Variants in RUVBL1 observed in about 807,000 individuals in gnomAD.
RUVBL1 encodes the protein ruvB-like 1.
RUVBL1 carries 4 observed loss-of-function variants against 52.4 expected under a neutral mutation model. The observed-to-expected ratio is 0.08, with a 90% CI of 0.04 to 0.17. RUVBL1 has a LOEUF of 0.17. Among genes scored for constraint, RUVBL1 ranks in the 10% least tolerant of loss-of-function variants. The pLI, the probability that RUVBL1 is intolerant of heterozygous loss-of-function variation, is 1.00. For synonymous variants in RUVBL1, 217 were observed against 214.4 expected (o/e 1.01, Z -0.10); for missense variants, 298 against 572.8 (o/e 0.52, Z 4.90).
chr3:128,108,249 G>A (rs1943295088), intron 3 of RUVBL1, among the ~76,000 whole-genome samples: 2 of 152,112 alleles, frequency 1.3e-5, no homozygotes, highest in African/African-American at 4.8e-5. Context: ...GAGGAAGATG[G>A]GCAGGGTTCC....
intron 1 of RUVBL1, among the ~76,000 whole-genome samples, chr3:128,140,253 G>A (rs1358483773): frequency 5.5e-5 from 4 of 73,018 alleles, no homozygotes; most frequent in Non-Finnish European, 8.2e-5. Context: ...TTTTGAGACG[G>A]AGTCTCCCTC....
chr3:128,098,779 G>C, intron 7 of RUVBL1, 103 bp downstream of exon 7: 1 of 953,898 alleles, frequency 1.0e-6, no homozygotes, highest in South Asian at 1.3e-5. Context: ...ACTGTTCTGA[G>C]GCATTTCCTC....
rs560994188 is a variant in RUVBL1 at position 128,065,543 on chromosome 3, T to C, written c.940-323A>G. ...GATTGATCTTTGTATTTTTTGATGG[T>C]CCACTTTGTATTTTGGTGTTTATTT... On this transcript the variant is annotated intron_variant, in intron 9 of 9. Transcript: ENST00000464873. 7.9e-5 allele frequency among the ~76,000 whole-genome samples: 12 copies of C among 152,260 alleles called. No individual in the cohort carries two copies. The South Asian group carries it at 2.3e-3, about 29-fold the overall frequency.
chr3:128,125,058 A>G (rs1276382750), upstream of RUVBL1, among the ~76,000 whole-genome samples: 3 of 107,692 alleles, frequency 2.8e-5, no homozygotes, highest in African/African-American at 1.1e-4. Flanking sequence ...TTTGTGGCCC[A>G]GGCGGGAGTG....
chr3:128,150,866 ATATATATATATTC>A (rs1478833377), intron 1 of RUVBL1, among the ~76,000 whole-genome samples: 28 of 55,832 alleles, frequency 5.0e-4, no homozygotes, highest in Admixed American at 9.4e-4. Context: ...ATTATATATT[ATATATATATATTC>A]TATATATATA....
Position 128,112,318 on chromosome 3 carries a change from T to C in RUVBL1, c.361+570A>G, listed in dbSNP as rs6809178. ...TTATTTAACCTTCTGAGACTGCTTC[T>C]TCAAATGCGAAATGTAGATTGATAA... On this transcript the variant is annotated intron_variant, in intron 3 of 10. Coordinates refer to ENST00000322623, the MANE Select transcript of RUVBL1 (RefSeq NM_003707.3). 3.0e-3 allele frequency among the ~76,000 whole-genome samples: 460 copies of C among 152,352 alleles called. 2 individuals are homozygous for C. Among genetic ancestry groups the C allele is most frequent in the African/African-American group, 0.01 (423 of 41,578 alleles).
At chr3:128,101,042 G>GC (rs1943098140) in intron 5 of RUVBL1, among the ~76,000 whole-genome samples, 1 of 152,188 alleles carries the variant, frequency 6.6e-6, no homozygotes, top group South Asian at 2.1e-4. Context: ...TTAACTGGAG[G>GC]CAGAGGAGCT....
At chr3:128,105,865 CTTTTTTTTTTTTTT>C (rs11311563) in intron 3 of RUVBL1, among the ~76,000 whole-genome samples, 2 of 88,912 alleles carry the variant, frequency 2.2e-5, no homozygotes, top group Non-Finnish European at 4.3e-5. Flanking sequence ...TTCCCTTTTT[CTTTTTTTTTTTTTT>C]TTTTTTTTGA....
At chr3:128,147,532 C>T (rs997997619) in intron 1 of RUVBL1, among the ~76,000 whole-genome samples, 2 of 152,182 alleles carry the variant, frequency 1.3e-5, no homozygotes, top group African/African-American at 4.8e-5. Flanking sequence ...GATTATGCCA[C>T]TGCACTCCAG....
Position 128,101,643 on chromosome 3 carries a change from G to T in RUVBL1, c.519C>A (p.Asp173Glu). ...TAKGTKQLKL[D>E]PSIFESLQKE... ...TCTGCAAACTTTCAAAAATGCTGGGGTCCAGCTAAAAAAAAAAATGTAAAT... is the reference window on the plus strand; with the variant it reads ...TCTGCAAACTTTCAAAAATGCTGGGTTCCAGCTAAAAAAAAAAATGTAAAT... Residue 173 changes from aspartate (D) to glutamate (E), a missense_variant, in exon 5 of 11, where the codon GAC becomes GAA. Asp to Glu is a conservative substitution (Grantham distance 45). Coordinates refer to ENST00000322623, the MANE Select transcript of RUVBL1 (RefSeq NM_003707.3). The T allele has an allele frequency of 6.2e-7, 1 of 1,613,464 alleles. No homozygotes were observed.
At chr3:128,142,311 G>C (rs1944037246) in intron 1 of RUVBL1, among the ~76,000 whole-genome samples, 1 of 152,170 alleles carries the variant, frequency 6.6e-6, no homozygotes, top group Non-Finnish European at 1.5e-5. Flanking sequence ...TCTGACAAGA[G>C]GGCAGGCATT....
At chr3:128,103,742 G>A (rs959670018) in intron 4 of RUVBL1, among the ~76,000 whole-genome samples, 1 of 152,154 alleles carries the variant, frequency 6.6e-6, no homozygotes, top group African/African-American at 2.4e-5. Flanking sequence ...CTCTTTATGA[G>A]CCTTCATCTG....
intron 1 of RUVBL1, among the ~76,000 whole-genome samples, chr3:128,143,176 T>A (rs1246361450): frequency 7.3e-6 from 1 of 137,516 alleles, no homozygotes; most frequent in African/African-American, 2.8e-5. Flanking sequence ...CTTATCTATT[T>A]TTTTTTTTTT....
intron 6 of RUVBL1, among the ~76,000 whole-genome samples, chr3:128,100,282 G>A (rs1943081720): frequency 6.6e-6 from 1 of 152,170 alleles, no homozygotes; most frequent in South Asian, 2.1e-4. Context: ...CTGCCCTCCT[G>A]CCATTAACAC....
intron 3 of RUVBL1, among the ~76,000 whole-genome samples, chr3:128,111,933 C>T (rs1282068483): frequency 2.0e-5 from 3 of 152,178 alleles, no homozygotes; most frequent in African/African-American, 7.2e-5. Flanking sequence ...CATACTCGCA[C>T]ATGTGCACAA....
intron 8 of RUVBL1, among the ~76,000 whole-genome samples, chr3:128,093,062 T>C (rs548129156): frequency 1.3e-5 from 2 of 152,164 alleles, no homozygotes; most frequent in African/African-American, 2.4e-5. Flanking sequence ...TGTACACAAA[T>C]GTTCAGAGCA....
chr3:128,083,649 G>A (rs1942549227), intron 9 of RUVBL1: 1 of 152,308 alleles, frequency 6.6e-6, no homozygotes, highest in African/African-American at 2.4e-5. Flanking sequence ...GATGAGCCAG[G>A]TGAGGGTGAA....
At chr3:128,137,335 T>C (rs1943963029) in intron 1 of RUVBL1, among the ~76,000 whole-genome samples, 2 of 152,114 alleles carry the variant, frequency 1.3e-5, no homozygotes, top group East Asian at 3.9e-4. Context: ...CCCAAATGAA[T>C]GAAATCACAG....
rs1424521985 is a variant in RUVBL1, at chr3:128,104,369, T to TA, written c.513+403dup. Among the ~76,000 whole-genome samples the TA allele has an allele frequency of 2.0e-4, 31 of 152,356 alleles. 1 individual carries two copies. The highest frequency in any genetic ancestry group is 7.2e-4 in the African/African-American group (30 of 41,580). ...CCATCCATCATCTTTATACAACTCT[T>TA]ATTTGATTACTCAATGCTGTTTCTT... On this transcript the variant is annotated intron_variant, in intron 4 of 10. Coordinates refer to ENST00000322623, the MANE Select transcript of RUVBL1 (RefSeq NM_003707.3).
Sources: allele counts gnomAD v4.1 joint callset (sites outside exome capture counted in the v4.1 genomes callset), GRCh38; gene constraint gnomAD v4.1.1; transcripts MANE v1.5; gene names NCBI Gene and HGNC (gene_info 2026-07-23, HGNC 2026-07-21).